Variants in ZEB1 observed in about 807,000 individuals in gnomAD.
ZEB1 encodes zinc finger E-box binding homeobox 1.
A neutral mutation model predicts 84.9 loss-of-function variants in ZEB1; 21 were observed. That is an observed-to-expected ratio of 0.25 (90% CI 0.18 to 0.36). The LOEUF is 0.36. Ranked by LOEUF, ZEB1 falls within the 10% of genes least tolerant of loss-of-function variation. The pLI, the probability that ZEB1 is intolerant of heterozygous loss-of-function variation, is 1.00. For missense variants in ZEB1, 1,104 were observed against 1,330.2 expected, an observed-to-expected ratio of 0.83 and a Z score of 2.65; for synonymous variants, 420 against 471.1, an observed-to-expected ratio of 0.89 and a Z score of 1.41.
At chr10:31,324,395 C>T (rs1034471131) in intron 1 of ZEB1, among the ~76,000 whole-genome samples, 2 of 151,870 alleles carry the variant, frequency 1.3e-5, no homozygotes, top group Non-Finnish European at 2.9e-5. Context: ...TTGCTTTATC[C>T]TCTTGTGGAT....
At chr10:31,435,264 C>G (rs2058151507) in intron 1 of ZEB1, among the ~76,000 whole-genome samples, 1 of 152,164 alleles carries the variant, frequency 6.6e-6, no homozygotes, top group South Asian at 2.1e-4. Flanking sequence ...AGTGGATTCT[C>G]CCCTAGAGTC....
At chr10:31,399,747 A>G (rs1338822263) in intron 1 of ZEB1, among the ~76,000 whole-genome samples, 4 of 152,226 alleles carry the variant, frequency 2.6e-5, no homozygotes, top group African/African-American at 4.8e-5. Flanking sequence ...CATCTCAACC[A>G]GAATAAAAAC....
chr10:31,444,581 G>A (rs1304301560), intron 1 of ZEB1, among the ~76,000 whole-genome samples: 3 of 151,256 alleles, frequency 2.0e-5, no homozygotes, highest in Admixed American at 6.6e-5. Context: ...ATCTTGAATT[G>A]ATTTTTGTAT....
chr10:31,384,545 T>C (rs1360694348), intron 1 of ZEB1, among the ~76,000 whole-genome samples: 2 of 152,182 alleles, frequency 1.3e-5, no homozygotes, highest in Non-Finnish European at 2.9e-5. Context: ...GAGAAAACAG[T>C]CTTTCACTAC....
chr10:31,369,863 C>T (rs1374241023), intron 1 of ZEB1, among the ~76,000 whole-genome samples: 2 of 152,166 alleles, frequency 1.3e-5, no homozygotes, highest in Admixed American at 6.5e-5. Flanking sequence ...ACACACTGTC[C>T]AACATTTACC....
chr10:31,449,413 C>A (rs147189025), intron 1 of ZEB1, among the ~76,000 whole-genome samples: 2,308 of 152,334 alleles, frequency 0.015, 44 homozygotes, highest in African/African-American at 0.052. Flanking sequence ...GGAGCTGTTC[C>A]TATTCGGCCA....
chr10:31,524,425 T>TTTG (rs1205060986), intron 8 of ZEB1, among the ~76,000 whole-genome samples: 104 of 152,154 alleles, frequency 6.8e-4, no homozygotes, highest in African/African-American at 2.4e-3. Flanking sequence ...CCCAGGCTGG[T>TTTG]CTTGAACTAA....
chr10:31,354,333 GTTAAT>G (rs2041787525), intron 1 of ZEB1, among the ~76,000 whole-genome samples: 2 of 152,086 alleles, frequency 1.3e-5, no homozygotes, highest in African/African-American at 2.4e-5. Context: ...TTGTATAGCA[GTTAAT>G]TTAAAGAATA....
chr10:31,366,738 TC>T (rs1474254082), intron 1 of ZEB1, among the ~76,000 whole-genome samples: 1 of 152,186 alleles, frequency 6.6e-6, no homozygotes. Flanking sequence ...CATTATGAGG[TC>T]TAGCAAAGAT....
At chr10:31,448,993 C>T (rs370631955) in intron 1 of ZEB1, among the ~76,000 whole-genome samples, 5 of 152,244 alleles carry the variant, frequency 3.3e-5, no homozygotes, top group Non-Finnish European at 7.3e-5. Flanking sequence ...TGGGCAATGG[C>T]GGGCGCCCCT....
At position 31,529,011 on chromosome 10, in the gene ZEB1, G is replaced by A. The variant is rs576641326; in HGVS notation, c.*1747G>A. The A allele has an allele frequency of 6.6e-6, 1 of 152,248 alleles. No homozygotes were observed. The highest frequency in any genetic ancestry group is 1.5e-5 in the Non-Finnish European group (1 of 68,008). The allele number at this position is 152,248 out of a possible 1,614,324, so 9.4% of individuals were successfully genotyped here. A position where few individuals can be genotyped will look rare whatever the true frequency, so the allele number is the denominator to read the frequency against. On this transcript the variant is annotated 3_prime_UTR_variant, in exon 9 of 9. Transcript: ENST00000424869. Reference sequence around the variant, plus strand: ...CATACAACTCTCATTTCCTTAGTAAGCCAAATTAGGATTAACTTCTATAAA... The same window carrying A: ...CATACAACTCTCATTTCCTTAGTAAACCAAATTAGGATTAACTTCTATAAA...
Position 31,510,917 on chromosome 10 carries a change from G to C in ZEB1, c.687+42G>C, listed in dbSNP as rs1385691249. On this transcript the variant is annotated intron_variant, in intron 5 of 8. Transcript: ENST00000424869. ...AGAGTTCACTAACTTTCCAGATTTT[G>C]ACAACTCAGCCCTCAATGGAAGGCA... 1.9e-6 allele frequency: 3 copies of C among 1,587,116 alleles called. No individual in the cohort carries two copies. In the Admixed American group the frequency reaches 5.0e-5, roughly 26 times the overall value.
intron 1 of ZEB1, among the ~76,000 whole-genome samples, chr10:31,336,599 T>A (rs1312283533): frequency 6.6e-6 from 1 of 152,090 alleles, no homozygotes; most frequent in Non-Finnish European, 1.5e-5. Context: ...GAGTGCCTAA[T>A]CCCGTATTTA....
At chr10:31,502,278 T>C (rs1216101191) in intron 3 of ZEB1, 70 bp from the exon 4 acceptor site, 1 of 1,445,732 alleles carries the variant, frequency 6.9e-7, no homozygotes, top group South Asian at 1.2e-5. Flanking sequence ...ATAAATAATT[T>C]CTTATTTAGA....
intron 3 of ZEB1, among the ~76,000 whole-genome samples, chr10:31,497,077 T>C (rs2067347058): frequency 1.3e-5 from 2 of 152,116 alleles, no homozygotes; most frequent in African/African-American, 2.4e-5. Flanking sequence ...ATGCTTGTTA[T>C]CAAATATTTG....
chr10:31,360,252 C>T (rs549740953), intron 1 of ZEB1, among the ~76,000 whole-genome samples: 1 of 152,178 alleles, frequency 6.6e-6, no homozygotes, highest in African/African-American at 2.4e-5. Flanking sequence ...GAAGGATGAG[C>T]TTAGACTTGG....
chr10:31,378,259 C>T lies in ZEB1; in HGVS notation c.58+58967C>T, dbSNP rs186337811. ...TATTAGTGTCGTGGAGGTCTATGCT[C>T]TGATAGGTTTAGCATCAAGTGAACA... On this transcript the variant is annotated intron_variant, in intron 1 of 8. Coordinates refer to ENST00000424869, the MANE Select transcript of ZEB1 (RefSeq NM_001174096.2). Among the ~76,000 whole-genome samples the T allele has an allele frequency of 9.0e-4, 137 of 151,500 alleles. 2 individuals are homozygous for T. Among genetic ancestry groups the T allele is most frequent in the Admixed American group, 1.3e-4 (2 of 15,158 alleles).
At chr10:31,323,430 A>G (rs1389202856) in intron 1 of ZEB1, among the ~76,000 whole-genome samples, 1 of 152,096 alleles carries the variant, frequency 6.6e-6, no homozygotes, top group Non-Finnish European at 1.5e-5. Context: ...GCAGAGAGCT[A>G]CTAACGGAGG....
chr10:31,405,305 G>A (rs911791452), intron 1 of ZEB1, among the ~76,000 whole-genome samples: 7 of 152,130 alleles, frequency 4.6e-5, no homozygotes, highest in Non-Finnish European at 7.4e-5. Flanking sequence ...AGTGTCAAAG[G>A]TGGTCAAACT....
Sources: allele counts gnomAD v4.1 joint callset (sites outside exome capture counted in the v4.1 genomes callset), GRCh38; gene constraint gnomAD v4.1.1; transcripts MANE v1.5; gene names NCBI Gene and HGNC (gene_info 2026-07-23, HGNC 2026-07-21).